Variants in TMEM163 observed in about 807,000 individuals in gnomAD.
The protein encoded by TMEM163 is transmembrane protein 163.
TMEM163 carries 17 observed loss-of-function variants against 29.3 expected under a neutral mutation model. That is an observed-to-expected ratio of 0.58 (90% CI 0.40 to 0.87). The LOEUF is 0.87. TMEM163 is among the 40% of genes least tolerant of loss of function. The pLI, the probability that TMEM163 is intolerant of heterozygous loss-of-function variation, is 0.00. For missense variants in TMEM163, 303 were observed against 381.5 expected (o/e 0.79, Z 1.71); for synonymous variants, 157 against 160.6 (o/e 0.98, Z 0.17).
intron 2 of TMEM163, among the ~76,000 whole-genome samples, chr2:134,557,145 G>A (rs989209051): frequency 6.6e-6 from 1 of 152,238 alleles, no homozygotes; most frequent in South Asian, 2.1e-4. Flanking sequence ...GCATGTCTGA[G>A]GCCATTCTGG....
At chr2:134,695,525 A>G (rs1684560327) in intron 2 of TMEM163, among the ~76,000 whole-genome samples, 1 of 152,150 alleles carries the variant, frequency 6.6e-6, no homozygotes, top group Non-Finnish European at 1.5e-5. Context: ...AAATACTATA[A>G]AAACTGTAGT....
intron 2 of TMEM163, among the ~76,000 whole-genome samples, chr2:134,615,965 G>A (rs1485730556): frequency 6.6e-6 from 1 of 152,110 alleles, no homozygotes; most frequent in Non-Finnish European, 1.5e-5. Context: ...CCTAAGAGCA[G>A]AGCTTTCAGT....
At chr2:134,551,521 G>A (rs1212491122) in intron 3 of TMEM163, among the ~76,000 whole-genome samples, 1 of 152,098 alleles carries the variant, frequency 6.6e-6, no homozygotes, top group Non-Finnish European at 1.5e-5. Flanking sequence ...AAAATCACAA[G>A]CACTAGCATC....
intron 2 of TMEM163, among the ~76,000 whole-genome samples, chr2:134,677,660 A>G (rs2104872356): frequency 6.6e-6 from 1 of 152,362 alleles, no homozygotes; most frequent in African/African-American, 2.4e-5. Flanking sequence ...AAAATGGATT[A>G]AGATTGTAGG....
At chr2:134,616,243 AG>A (rs1682606947) in intron 2 of TMEM163, among the ~76,000 whole-genome samples, 1 of 152,194 alleles carries the variant, frequency 6.6e-6, no homozygotes, top group Admixed American at 6.5e-5. Flanking sequence ...ATTTTGAGAA[AG>A]TTAGCCAAAG....
intron 2 of TMEM163, among the ~76,000 whole-genome samples, chr2:134,559,731 C>A (rs537054770): frequency 1.3e-5 from 2 of 152,268 alleles, no homozygotes; most frequent in South Asian, 4.1e-4. Context: ...CCTATAAAAC[C>A]CACAAAAATG....
chr2:134,657,138 T>C (rs939750570), intron 2 of TMEM163, among the ~76,000 whole-genome samples: 1 of 152,234 alleles, frequency 6.6e-6, no homozygotes, highest in African/African-American at 2.4e-5. Context: ...TCCTCCTCAA[T>C]TTTTCGGAAT....
intron 2 of TMEM163, among the ~76,000 whole-genome samples, chr2:134,619,804 CA>C (rs1315013021): frequency 6.6e-6 from 1 of 151,998 alleles, no homozygotes; most frequent in Non-Finnish European, 1.5e-5. Flanking sequence ...AAGGAATCTA[CA>C]AAAAACTACT....
chr2:134,643,826 C>A (rs989578285), intron 2 of TMEM163, among the ~76,000 whole-genome samples: 2 of 151,680 alleles, frequency 1.3e-5, no homozygotes, highest in African/African-American at 4.8e-5. Flanking sequence ...ATAAAACTGT[C>A]CTTATTTGCA....
At chr2:134,529,050 G>A (rs759415841) in intron 4 of TMEM163, among the ~76,000 whole-genome samples, 12 of 152,274 alleles carry the variant, frequency 7.9e-5, no homozygotes, top group Admixed American at 1.3e-4. Flanking sequence ...GTACCAACCC[G>A]GCCAGATGCT....
intron 2 of TMEM163, among the ~76,000 whole-genome samples, chr2:134,624,612 T>A (rs1682809657): frequency 6.6e-6 from 1 of 152,052 alleles, no homozygotes; most frequent in Non-Finnish European, 1.5e-5. Flanking sequence ...ATAAAAATTT[T>A]AAAAATTTAA....
intron 2 of TMEM163, among the ~76,000 whole-genome samples, chr2:134,610,160 G>T (rs1431433592): frequency 6.6e-6 from 1 of 152,194 alleles, no homozygotes; most frequent in Non-Finnish European, 1.5e-5. Context: ...AGAAGAGATG[G>T]CCGTAAACAC....
intron 4 of TMEM163, among the ~76,000 whole-genome samples, chr2:134,547,120 A>G (rs1378009790): frequency 6.6e-6 from 1 of 152,224 alleles, no homozygotes; most frequent in African/African-American, 2.4e-5. Context: ...TTTCACAACA[A>G]CATGAGATAC....
At position 134,668,427 on chromosome 2, in the gene TMEM163, C is replaced by T. The variant is rs546853324; in HGVS notation, c.322+44773G>A. Reference sequence around the variant, plus strand: ...TTAACATTCTTCCAAACACTCAGACCTCAAATTCAAGTTCCTGAACCCAGA... The same window carrying T: ...TTAACATTCTTCCAAACACTCAGACTTCAAATTCAAGTTCCTGAACCCAGA... On this transcript the variant is annotated intron_variant, in intron 2 of 7. Coordinates refer to ENST00000281924, the MANE Select transcript of TMEM163 (RefSeq NM_030923.5). 9.9e-5 allele frequency among the ~76,000 whole-genome samples: 15 copies of T among 152,192 alleles called. 1 individual carries two copies. In the South Asian group the frequency reaches 2.9e-3, roughly 29 times the overall value.
intron 2 of TMEM163, among the ~76,000 whole-genome samples, chr2:134,620,891 G>C (rs976330389): frequency 7.2e-5 from 11 of 152,076 alleles, no homozygotes. Context: ...GAAAACATAG[G>C]AGAAAATCAT....
intron 4 of TMEM163, among the ~76,000 whole-genome samples, chr2:134,514,300 C>T (rs578177412): frequency 4.6e-5 from 7 of 150,936 alleles, no homozygotes; most frequent in African/African-American, 1.7e-4. Flanking sequence ...GAGTCAAAGT[C>T]GGGGGTGTCA....
chr2:134,515,930 C>T (rs1255903824), intron 4 of TMEM163, among the ~76,000 whole-genome samples: 1 of 152,158 alleles, frequency 6.6e-6, no homozygotes, highest in African/African-American at 2.4e-5. Context: ...TTTGCATCTT[C>T]ACAAGACATG....
chr2:134,713,445 C>T, intron 1 of TMEM163, 126 bp from the exon 2 acceptor site: 2 of 1,345,988 alleles, frequency 1.5e-6, no homozygotes, highest in Non-Finnish European at 2.1e-6. Context: ...TTTTGTTTGG[C>T]CCACACTGTG....
At chr2:134,632,553 G>A (rs1033487615) in intron 2 of TMEM163, among the ~76,000 whole-genome samples, 4 of 152,138 alleles carry the variant, frequency 2.6e-5, no homozygotes, top group East Asian at 1.9e-4. Flanking sequence ...GGGCATCCCC[G>A]ATCAAAGTAC....
Sources: gnomAD v4.1 joint callset for allele counts (sites outside exome capture counted in the v4.1 genomes callset) on GRCh38, gnomAD v4.1.1 for gene constraint, MANE v1.5 for transcripts, NCBI Gene and HGNC (gene_info 2026-07-23, HGNC 2026-07-21) for gene names.